The following ENOX1 variants were observed in gnomAD, a reference collection of about 807,000 sequenced individuals.
The protein encoded by ENOX1 is candidate growth-related and time keeping constitutive hydroquinone (NADH) oxidase.
In ENOX1, 42 loss-of-function variants were observed where a neutral mutation model predicts 82.5. That is an observed-to-expected ratio of 0.51 (90% CI 0.40 to 0.66). The LOEUF (loss-of-function observed/expected upper bound fraction) is 0.66. Ranked by LOEUF, ENOX1 falls within the 30% of genes least tolerant of loss-of-function variation. The pLI, the probability that ENOX1 is intolerant of heterozygous loss-of-function variation, is 0.00. For synonymous variants in ENOX1, 271 were observed against 282.2 expected (o/e 0.96, Z 0.40); for missense variants, 608 against 811.6 (o/e 0.75, Z 3.05).
In ENOX1 at chr13:43,483,906, A is replaced by G. The variant is rs538720608; in HGVS notation, c.-75+103T>C. On this transcript the variant is annotated intron_variant, in intron 3 of 16. Transcript: ENST00000690772. ...AGAAATGAAAATCTGTTTAAAATCT[A>G]CCCCCAGAGTTCTAATTGAAATAGA... is the stretch of plus-strand genomic sequence containing the variant. 144 of 583,548 alleles carry G rather than the reference A, an allele frequency of 2.5e-4. No individual in the cohort carries two copies. In the African/African-American group the frequency reaches 2.8e-3, roughly 11 times the overall value. The allele number at this position is 583,548 out of a possible 1,614,324, so 36.1% of individuals were successfully genotyped here. A position where few individuals can be genotyped will look rare whatever the true frequency, so the allele number is the denominator to read the frequency against.
intron 12 of ENOX1, among the ~76,000 whole-genome samples, chr13:43,278,046 A>T (rs1196692899): frequency 6.6e-6 from 1 of 152,178 alleles, no homozygotes; most frequent in Non-Finnish European, 1.5e-5. Flanking sequence ...AATAAAACTA[A>T]AGGTGTATCC....
intron 5 of ENOX1, among the ~76,000 whole-genome samples, chr13:43,389,273 G>A (rs997910147): frequency 6.6e-6 from 1 of 152,156 alleles, no homozygotes; most frequent in Non-Finnish European, 1.5e-5. Flanking sequence ...TAACTGCAGA[G>A]TTATTGATAC....
intron 2 of ENOX1, among the ~76,000 whole-genome samples, chr13:43,657,876 T>G (rs2084521067): frequency 6.6e-6 from 1 of 152,196 alleles, no homozygotes; most frequent in African/African-American, 2.4e-5. Context: ...GGAAAAAAAT[T>G]AGTTGAATTT....
intron 3 of ENOX1, among the ~76,000 whole-genome samples, chr13:43,422,036 G>A (rs945907066): frequency 6.6e-6 from 1 of 151,678 alleles, no homozygotes; most frequent in Non-Finnish European, 1.5e-5. Flanking sequence ...CCAAAGCTTG[G>A]AAGTTTAAAG....
intron 5 of ENOX1, among the ~76,000 whole-genome samples, chr13:43,404,834 A>G (rs982689430): frequency 6.6e-6 from 1 of 152,220 alleles, no homozygotes; most frequent in Non-Finnish European, 1.5e-5. Flanking sequence ...AGTACATGAA[A>G]TCAGGTACAT....
intron 8 of ENOX1, among the ~76,000 whole-genome samples, chr13:43,348,050 C>G (rs2049509200): frequency 6.6e-6 from 1 of 152,204 alleles, no homozygotes; most frequent in South Asian, 2.1e-4. Flanking sequence ...TGCCAGAGCC[C>G]TCTTTGTTAA....
Position 43,551,615 on chromosome 13 carries a change from C to T in ENOX1, c.-218-67463G>A, listed in dbSNP as rs1469793924. ...TCATGGGCTTCATAAGCTGCAACAA[C>T]TGATTATTACATTTGATAATACGAT... On this transcript the variant is annotated intron_variant, in intron 2 of 16. Coordinates refer to ENST00000690772, the MANE Select transcript of ENOX1 (RefSeq NM_001347969.2). Among the ~76,000 whole-genome samples, 12 of 152,154 alleles carry T rather than the reference C, an allele frequency of 7.9e-5. No individual in the cohort carries two copies. In the South Asian group the frequency reaches 2.5e-3, roughly 32 times the overall value.
intron 2 of ENOX1, among the ~76,000 whole-genome samples, chr13:43,662,062 T>C (rs931328834): frequency 1.1e-4 from 17 of 152,162 alleles, no homozygotes; most frequent in Non-Finnish European, 7.4e-5. Context: ...CATAGTCCTA[T>C]CGACTTTGGG....
At chr13:43,419,083 C>T (rs757828700) in intron 3 of ENOX1, among the ~76,000 whole-genome samples, 5 of 152,018 alleles carry the variant, frequency 3.3e-5, no homozygotes, top group Non-Finnish European at 5.9e-5. Context: ...GAGGCTGAGG[C>T]AGGAGAATCG....
chr13:43,768,768 A>C (rs1015455946), intron 1 of ENOX1, among the ~76,000 whole-genome samples: 6 of 152,198 alleles, frequency 3.9e-5, no homozygotes, highest in Non-Finnish European at 5.9e-5. Flanking sequence ...CATGCTCATG[A>C]ATACTCCCAA....
intron 2 of ENOX1, among the ~76,000 whole-genome samples, chr13:43,644,778 C>G (rs2083816432): frequency 6.6e-6 from 1 of 152,180 alleles, no homozygotes; most frequent in South Asian, 2.1e-4. Context: ...GGAGTTCAAT[C>G]CAGATCCAGC....
chr13:43,237,990 G>A (rs1038845076), intron 14 of ENOX1, among the ~76,000 whole-genome samples: 4 of 152,226 alleles, frequency 2.6e-5, no homozygotes, highest in Non-Finnish European at 5.9e-5. Context: ...CCACTTATTT[G>A]CTGAAGACCA....
intron 1 of ENOX1, among the ~76,000 whole-genome samples, chr13:43,709,292 C>A (rs1464592908): frequency 6.6e-6 from 1 of 151,932 alleles, no homozygotes; most frequent in Admixed American, 6.6e-5. Context: ...GGCTCAACAT[C>A]ATATGGAAAA....
chr13:43,543,761 A>G (rs1406819190), intron 2 of ENOX1, among the ~76,000 whole-genome samples: 1 of 144,828 alleles, frequency 6.9e-6, no homozygotes, highest in Admixed American at 7.0e-5. Context: ...ATAGTTTTCA[A>G]ATCTCAAGCC....
At chr13:43,509,992 T>C (rs777234532) in intron 2 of ENOX1, among the ~76,000 whole-genome samples, 1 of 152,050 alleles carries the variant, frequency 6.6e-6, no homozygotes, top group Non-Finnish European at 1.5e-5. Context: ...GAAAGTTTCA[T>C]GAGTAGTGGT....
intron 2 of ENOX1, among the ~76,000 whole-genome samples, chr13:43,574,989 C>G (rs758627905): frequency 2.0e-5 from 3 of 152,070 alleles, no homozygotes; most frequent in Non-Finnish European, 2.9e-5. Flanking sequence ...GATGGCATGA[C>G]AAAAGAGAGA....
At chr13:43,572,874 C>T (rs2153712152) in intron 2 of ENOX1, among the ~76,000 whole-genome samples, 1 of 152,324 alleles carries the variant, frequency 6.6e-6, no homozygotes, top group Non-Finnish European at 1.5e-5. Flanking sequence ...CAGTTCTTGC[C>T]ATTTTCACAT....
intron 1 of ENOX1, among the ~76,000 whole-genome samples, chr13:43,682,083 T>A (rs574068847): frequency 1.3e-5 from 2 of 152,268 alleles, no homozygotes; most frequent in South Asian, 4.2e-4. Context: ...ATATATTTTT[T>A]AAATGGAGCC....
intron 2 of ENOX1, among the ~76,000 whole-genome samples, chr13:43,594,778 T>C (rs1297567796): frequency 1.3e-5 from 2 of 151,994 alleles, no homozygotes; most frequent in African/African-American, 2.4e-5. Flanking sequence ...ACGACCGAAG[T>C]TGAACCAATA....
Sources: gnomAD v4.1 joint callset for allele counts (sites outside exome capture counted in the v4.1 genomes callset) on GRCh38, gnomAD v4.1.1 for gene constraint, MANE v1.5 for transcripts, NCBI Gene and HGNC (gene_info 2026-07-23, HGNC 2026-07-21) for gene names.